Variants in MCF2L observed in about 807,000 individuals in gnomAD.
MCF2L encodes the protein guanine nucleotide exchange factor DBS.
A neutral mutation model predicts 153.4 loss-of-function variants in MCF2L; 97 were observed. The observed-to-expected ratio is 0.63, with a 90% CI of 0.54 to 0.75. MCF2L has a LOEUF of 0.75. MCF2L is among the 30% of genes least tolerant of loss of function. The probability of loss-of-function intolerance (pLI) is 0.00; values close to 1 mark genes in which losing one functional copy is unlikely to be tolerated. For missense variants in MCF2L, 1,347 were observed against 1,495.2 expected, an observed-to-expected ratio of 0.90 and a Z score of 1.64; for synonymous variants, 659 against 632.2, an observed-to-expected ratio of 1.04 and a Z score of -0.64.
chr13:113,086,278 C>T (rs773623469), intron 21 of MCF2L, 29 bp downstream of exon 21: 29 of 1,605,742 alleles, frequency 1.8e-5, no homozygotes, highest in Middle Eastern at 3.3e-4. Context: ...CGGTCTTCCC[C>T]GCCGCCTCCG....
At chr13:113,001,065 C>T (rs1258606741) in intron 1 of MCF2L, among the ~76,000 whole-genome samples, 4 of 152,196 alleles carry the variant, frequency 2.6e-5, no homozygotes, top group Non-Finnish European at 5.9e-5. Context: ...TCGTCAGGGA[C>T]AGAACCTGAG....
At chr13:113,078,537 T>G in intron 14 of MCF2L, 101 bp downstream of exon 14, 1 of 1,380,252 alleles carries the variant, frequency 7.2e-7, no homozygotes, top group Non-Finnish European at 1.0e-6. Context: ...ACTGCCCAGC[T>G]ACCTGGCCAG....
At chr13:112,973,498 G>GT (rs1288919240) in intron 1 of MCF2L, among the ~76,000 whole-genome samples, 1 of 152,196 alleles carries the variant, frequency 6.6e-6, no homozygotes, top group African/African-American at 2.4e-5. Flanking sequence ...TGAGGAAACC[G>GT]TGAGTCCTCT....
At chr13:113,085,215 C>T in intron 20 of MCF2L, 37 bp downstream of exon 20, 1 of 1,588,376 alleles carries the variant, frequency 6.3e-7, no homozygotes, top group Non-Finnish European at 8.6e-7. Flanking sequence ...GCCTCCCCAG[C>T]ACCTGCTGGC....
At chr13:113,059,268 T>A (rs2030957101) in intron 4 of MCF2L, among the ~76,000 whole-genome samples, 1 of 152,162 alleles carries the variant, frequency 6.6e-6, no homozygotes, top group African/African-American at 2.4e-5. Flanking sequence ...GCCCCACGCG[T>A]CCCCTGACTT....
chr13:113,045,657 G>C lies in MCF2L; in HGVS notation c.369+296G>C, dbSNP rs948850625. The C allele has an allele frequency of 1.0e-5, 5 of 482,100 alleles. No individual in the cohort carries two copies. The East Asian group carries it at 1.3e-4, about 13-fold the overall frequency. 29.9% of individuals were successfully genotyped at this position (482,100 alleles called of 1,614,324 possible). On this transcript the variant is annotated intron_variant, in intron 4 of 29. Coordinates refer to ENST00000535094, the MANE Select transcript of MCF2L (RefSeq NM_001112732.3). This position sits in a 1 kb window ranked among gnomAD's most constrained non-coding sequence, Gnocchi z 4.2. ...TCCGAACACCAAGTCTGAGATGCTC[G>C]GGACTGAATATGCCTCTTACATATT... is the stretch of plus-strand genomic sequence containing the variant.
intron 2 of MCF2L, among the ~76,000 whole-genome samples, chr13:112,946,060 G>GA (rs1228448531): frequency 6.6e-6 from 1 of 152,066 alleles, no homozygotes; most frequent in African/African-American, 2.4e-5. Context: ...ATTTGTCTTT[G>GA]AAATTTTAAA....
chr13:112,921,259 G>A (rs762466831), intron 2 of MCF2L, among the ~76,000 whole-genome samples: 7 of 152,106 alleles, frequency 4.6e-5, no homozygotes, highest in Non-Finnish European at 8.8e-5. Flanking sequence ...ATAGAAGGAC[G>A]AATAGGGCAG....
At chr13:113,083,471 C>T (rs542548769) in intron 17 of MCF2L, among the ~76,000 whole-genome samples, 1 of 152,206 alleles carries the variant, frequency 6.6e-6, no homozygotes, top group East Asian at 1.9e-4. Flanking sequence ...CAGTCCTGCA[C>T]GCAGGGGTCC....
At position 113,084,916 on chromosome 13, in the gene MCF2L, A is replaced by C. The variant is rs201890906; in HGVS notation, c.2086A>C (p.Lys696Gln). ...ERMEDFQIYEKYCQNKPRSES... is the reference protein window; with the variant it reads ...ERMEDFQIYEQYCQNKPRSES... Reference sequence around the variant, plus strand: ...GATGGAAGATTTCCAGATCTATGAGAAGTACTGTCAGAACAAGCCCCGCTC... The same window carrying C: ...GATGGAAGATTTCCAGATCTATGAGCAGTACTGTCAGAACAAGCCCCGCTC... Residue 696 changes from lysine to glutamine, a missense_variant, in exon 19 of 30, where the codon AAG becomes CAG. This residue lies in a region of MCF2L where 144 missense variants were observed against 238.7 expected (regional missense o/e 0.60). Coordinates refer to ENST00000535094, the MANE Select transcript of MCF2L (RefSeq NM_001112732.3). 3 of 1,613,940 alleles carry C rather than the reference A, an allele frequency of 1.9e-6. No individual in the cohort carries two copies. In the East Asian group the frequency reaches 6.7e-5, roughly 36 times the overall value.
intron 24 of MCF2L, 35 bp from the exon 25 acceptor site, chr13:113,088,527 C>A (rs749343035): frequency 1.2e-6 from 2 of 1,611,324 alleles, no homozygotes; most frequent in Non-Finnish European, 1.7e-6. Flanking sequence ...AGTAAAGACG[C>A]TCGTTCACGT....
In MCF2L at chr13:113,096,799, G is replaced by C. The variant is rs778778386; in HGVS notation, c.3318G>C (p.Leu1106=). ...AGTCGAGCCCGGGGTCGGCCGTGCTGAGCAACTCGTCCAGCTGCAGCGAGG... is the reference window on the plus strand; with the variant it reads ...AGTCGAGCCCGGGGTCGGCCGTGCTCAGCAACTCGTCCAGCTGCAGCGAGG... The part of the protein sequence containing the change: ...SSESSPGSAV[L]SNSSSCSEGG... The change falls in exon 30 of 30, where the codon CTG becomes CTC. Residue 1106 remains leucine (L), a synonymous_variant. Coordinates refer to ENST00000535094, the MANE Select transcript of MCF2L (RefSeq NM_001112732.3). 6.4e-7 allele frequency: 1 copy of C among 1,559,870 alleles called. No individual in the cohort carries two copies. Among genetic ancestry groups the C allele is most frequent in the Non-Finnish European group, 8.6e-7 (1 of 1,163,226 alleles).
chr13:113,049,453 T>A (rs986913354), intron 4 of MCF2L, among the ~76,000 whole-genome samples: 10 of 152,150 alleles, frequency 6.6e-5, no homozygotes, highest in African/African-American at 2.4e-4. Context: ...ATTCAGTTTT[T>A]TGGAAATGGT....
chr13:113,076,228 T>C, intron 12 of MCF2L, 71 bp downstream of exon 12: 1 of 1,097,358 alleles, frequency 9.1e-7, no homozygotes, highest in South Asian at 1.9e-5. Flanking sequence ...TGTGGGAAGT[T>C]TGAAAGAATC....
chr13:113,006,044 C>T (rs1334662247), intron 1 of MCF2L, among the ~76,000 whole-genome samples: 1 of 152,168 alleles, frequency 6.6e-6, no homozygotes, highest in Non-Finnish European at 1.5e-5. Context: ...CTCTGGGCAA[C>T]TCCTGTGCAA....
chr13:112,959,521 G>A (rs370817374), intron 2 of MCF2L, among the ~76,000 whole-genome samples: 5 of 152,120 alleles, frequency 3.3e-5, no homozygotes, highest in South Asian at 4.1e-4. Context: ...GGTCATCCTG[G>A]GGGGAGAACT....
At chr13:113,025,817 G>A (rs111692665) in intron 3 of MCF2L, among the ~76,000 whole-genome samples, 1 of 149,236 alleles carries the variant, frequency 6.7e-6, no homozygotes, top group Non-Finnish European at 1.5e-5. Context: ...CGTGACTGTG[G>A]GTCGGGGCAG....
intron 2 of MCF2L, among the ~76,000 whole-genome samples, chr13:112,913,875 C>T (rs1331707795): frequency 2.0e-5 from 3 of 152,208 alleles, no homozygotes; most frequent in African/African-American, 7.2e-5. Flanking sequence ...GTCTTCTCAG[C>T]ACTGCAGACT....
chr13:113,012,228 G>C lies in MCF2L; in HGVS notation c.80-2535G>C, dbSNP rs1270318958. 3.1e-5 allele frequency among the ~76,000 whole-genome samples: 3 copies of C among 97,400 alleles called. 1 individual carries two copies. The highest frequency in any genetic ancestry group is 6.9e-5 in the Non-Finnish European group (3 of 43,620). The allele number at this position is 97,400 out of a possible 152,430, so 63.9% of individuals were successfully genotyped here. On this transcript the variant is annotated intron_variant, in intron 1 of 29. Transcript: ENST00000535094. ...GGACGGTGGACAGGCTGGGTGGATG[G>C]TGGACACTGCGATGAGGACGGTGGA...
Sources: allele counts gnomAD v4.1 joint callset (sites outside exome capture counted in the v4.1 genomes callset), GRCh38; gene constraint gnomAD v4.1.1; regional missense constraint gnomAD v4.1.1; non-coding constraint Gnocchi (gnomAD v3.1); transcripts MANE v1.5; gene names NCBI Gene and HGNC (gene_info 2026-07-23, HGNC 2026-07-21).